IL1RAPL1: variants seen among roughly 807,000 people sequenced by gnomAD.
IL1RAPL1 encodes the protein interleukin 1 receptor accessory protein like 1, also known as interleukin-1 receptor accessory protein-like 1.
IL1RAPL1 carries 3 observed loss-of-function variants against 48.4 expected under a neutral mutation model. That is an observed-to-expected ratio of 0.06 (90% confidence interval 0.03 to 0.16). The LOEUF (loss-of-function observed/expected upper bound fraction) is 0.16, where lower values mean the gene tolerates loss of function less well. Among genes scored for constraint, IL1RAPL1 ranks in the 10% least tolerant of loss-of-function variants. The pLI is 1.00. For synonymous variants in IL1RAPL1, 185 were observed against 187.7 expected, an observed-to-expected ratio of 0.99 and a Z score of 0.12; for missense variants, 349 against 530.6, an observed-to-expected ratio of 0.66 and a Z score of 3.36.
chrX:29,217,288 T>C (rs1930888136), intron 2 of IL1RAPL1, among the ~76,000 whole-genome samples: 1 of 112,255 alleles, frequency 8.9e-6, no homozygotes. Context: ...AACTCACAGT[T>C]TGAAAATCAC....
intron 6 of IL1RAPL1, among the ~76,000 whole-genome samples, chrX:29,837,296 T>TACACACAC (rs1477568334): frequency 1.3e-5 from 1 of 74,619 alleles, no homozygotes; most frequent in African/African-American, 6.7e-5. Flanking sequence ...TATATATATA[T>TACACACAC]ATATACACAC....
intron 3 of IL1RAPL1, among the ~76,000 whole-genome samples, chrX:29,306,067 G>A (rs1396103946): frequency 9.0e-6 from 1 of 111,340 alleles, no homozygotes; most frequent in Admixed American, 9.5e-5. Context: ...GAAACCCAGA[G>A]GCAATAGAAT....
chrX:29,911,551 A>C (rs930988845), intron 6 of IL1RAPL1, among the ~76,000 whole-genome samples: 1 of 112,307 alleles, frequency 8.9e-6, no homozygotes, highest in Non-Finnish European at 1.9e-5. Flanking sequence ...TAAATGTTTA[A>C]CACTTGGCTC....
chrX:29,195,244 G>A (rs189801295), intron 2 of IL1RAPL1, among the ~76,000 whole-genome samples: 6 of 111,738 alleles, frequency 5.4e-5, no homozygotes, highest in East Asian at 2.8e-4. Flanking sequence ...AGGTTCTGAC[G>A]TCAGTCCTAA....
chrX:29,813,173 T>C (rs1930415765), intron 6 of IL1RAPL1, among the ~76,000 whole-genome samples: 1 of 111,761 alleles, frequency 8.9e-6, no homozygotes, highest in Admixed American at 9.6e-5. Context: ...GGAAATATTA[T>C]GTATGTATGT....
At chrX:29,736,403 T>G (rs757811498) in intron 6 of IL1RAPL1, among the ~76,000 whole-genome samples, 2 of 111,352 alleles carry the variant, frequency 1.8e-5, no homozygotes, top group South Asian at 3.8e-4. Context: ...GGCTTTGTAC[T>G]TCAGCCATTC....
At chrX:28,943,867 T>G (rs1440870196) in intron 2 of IL1RAPL1, among the ~76,000 whole-genome samples, 1 of 110,831 alleles carries the variant, frequency 9.0e-6, no homozygotes, top group Non-Finnish European at 1.9e-5. Context: ...TTCCTTAATG[T>G]ATTTTTTCTG....
At chrX:28,985,734 A>G (rs1271748174) in intron 2 of IL1RAPL1, among the ~76,000 whole-genome samples, 3 of 99,604 alleles carry the variant, frequency 3.0e-5, no homozygotes, top group African/African-American at 1.2e-4. Flanking sequence ...ATCTCGGCTC[A>G]CTACAAGCTC....
At chrX:28,704,827 CACACA>C (rs1401640502) in intron 1 of IL1RAPL1, among the ~76,000 whole-genome samples, 20 of 38,194 alleles carry the variant, frequency 5.2e-4, no homozygotes, top group Middle Eastern at 0.018. Context: ...CACACACACA[CACACA>C]AAAAAAAAAA....
At chrX:29,649,207 CA>C (rs1386316843) in intron 5 of IL1RAPL1, among the ~76,000 whole-genome samples, 1 of 111,403 alleles carries the variant, frequency 9.0e-6, no homozygotes, top group African/African-American at 3.3e-5. Flanking sequence ...CAAGCTATTA[CA>C]AAAAATTGGA....
chrX:29,867,431 C>T (rs903389970), intron 6 of IL1RAPL1, among the ~76,000 whole-genome samples: 194 of 111,233 alleles, frequency 1.7e-3, no homozygotes, highest in African/African-American at 6.1e-3. Context: ...AAAAAGAGAT[C>T]GAAGAGAGTG....
intron 1 of IL1RAPL1, among the ~76,000 whole-genome samples, chrX:28,735,461 A>G (rs1043130376): frequency 1.8e-5 from 2 of 111,319 alleles, no homozygotes; most frequent in Non-Finnish European, 3.8e-5. Context: ...TTTAAAAATA[A>G]TTTTCCAGGA....
At chrX:28,596,355 C>T (rs1211025682) in intron 1 of IL1RAPL1, among the ~76,000 whole-genome samples, 1 of 110,094 alleles carries the variant, frequency 9.1e-6, no homozygotes, top group Non-Finnish European at 1.9e-5. Context: ...CCCTCCCTTC[C>T]TTCCTTCCCT....
At chrX:29,003,414 C>T (rs750576138) in intron 2 of IL1RAPL1, among the ~76,000 whole-genome samples, 2 of 111,814 alleles carry the variant, frequency 1.8e-5, no homozygotes, top group African/African-American at 6.5e-5. Flanking sequence ...GATTAGGACA[C>T]GTTTGAGGAA....
chrX:29,057,305 A>G (rs920197613), intron 2 of IL1RAPL1, among the ~76,000 whole-genome samples: 1 of 112,185 alleles, frequency 8.9e-6, no homozygotes, highest in Non-Finnish European at 1.9e-5. Context: ...AGTCTTTGAT[A>G]ATCTATACTA....
intron 2 of IL1RAPL1, among the ~76,000 whole-genome samples, chrX:29,193,708 A>G (rs1194308443): frequency 9.0e-6 from 1 of 111,482 alleles, no homozygotes; most frequent in Admixed American, 9.6e-5. Flanking sequence ...TGGTTGTCAT[A>G]GTGGTTCCAC....
intron 2 of IL1RAPL1, among the ~76,000 whole-genome samples, chrX:29,026,471 G>A (rs1602017991): frequency 9.0e-6 from 1 of 111,303 alleles, no homozygotes; most frequent in East Asian, 2.8e-4. Flanking sequence ...TGCATGCACG[G>A]CTTAAAACCT....
At chrX:29,643,841 C>A (rs1925240020) in intron 5 of IL1RAPL1, among the ~76,000 whole-genome samples, 1 of 111,878 alleles carries the variant, frequency 8.9e-6, no homozygotes, top group Non-Finnish European at 1.9e-5. Flanking sequence ...GCATTGAAAT[C>A]TTTAATATTA....
intron 5 of IL1RAPL1, among the ~76,000 whole-genome samples, chrX:29,608,432 A>G: frequency 9.3e-6 from 1 of 107,823 alleles, no homozygotes; most frequent in South Asian, 4.2e-4. Flanking sequence ...AGAAAGGAAG[A>G]GGAAAGGGAG....
Sources: gnomAD v4.1 joint callset for allele counts (sites outside exome capture counted in the v4.1 genomes callset) on GRCh38, gnomAD v4.1.1 for gene constraint, MANE v1.5 for transcripts, NCBI Gene and HGNC (gene_info 2026-07-23, HGNC 2026-07-21) for gene names.